The following ST3GAL2 variants were observed in gnomAD, a reference collection of about 807,000 sequenced individuals.
ST3GAL2 encodes the protein CMP-N-acetylneuraminate-beta-galactosamide-alpha-2,3-sialyltransferase 2.
Under a neutral mutation model 37.5 loss-of-function variants are expected in ST3GAL2, and 16 were observed. The ratio of observed to expected loss-of-function variants is 0.43; its 90% CI spans 0.29 to 0.65. ST3GAL2 has a LOEUF of 0.65. Among genes scored for constraint, ST3GAL2 ranks in the 30% least tolerant of loss-of-function variants. The pLI is 0.17. For missense variants in ST3GAL2, 383 were observed against 487.8 expected, an observed-to-expected ratio of 0.79 and a Z score of 2.02; for synonymous variants, 238 against 202.9, an observed-to-expected ratio of 1.17 and a Z score of -1.47.
In ST3GAL2 at chr16:70,381,536, C is replaced by G. The variant is rs2047404608; in HGVS notation, c.*153G>C. 2.2e-6 allele frequency: 2 copies of G among 901,530 alleles called. No homozygotes were observed. The highest frequency in any genetic ancestry group is 3.4e-5 in the African/African-American group (2 of 59,136). The allele number at this position is 901,530 out of a possible 1,614,324, so 55.8% of individuals were successfully genotyped here. A position where few individuals can be genotyped will look rare whatever the true frequency, so the allele number is the denominator to read the frequency against. On this transcript the variant is annotated 3_prime_UTR_variant, in exon 7 of 7. Coordinates refer to ENST00000342907, the MANE Select transcript of ST3GAL2 (RefSeq NM_006927.4). ...GCCCGACCGCAGCGCAGATTGGTGC[C>G]AGGCCCGGCCGGTCCCCCAGTCTCG...
chr16:70,429,097 C>G (rs1000105845), intron 1 of ST3GAL2, among the ~76,000 whole-genome samples: 5 of 152,192 alleles, frequency 3.3e-5, no homozygotes, highest in African/African-American at 1.2e-4. Context: ...GCACAGCCCC[C>G]TCAGCTGCAG....
intron 1 of ST3GAL2, among the ~76,000 whole-genome samples, chr16:70,401,853 G>A (rs1410606425): frequency 6.6e-6 from 1 of 151,542 alleles, no homozygotes; most frequent in Middle Eastern, 3.4e-3. Flanking sequence ...AATCAGCCAG[G>A]CGTTGTGGTG....
chr16:70,431,459 C>G (rs1476459341), intron 1 of ST3GAL2, among the ~76,000 whole-genome samples: 3 of 152,196 alleles, frequency 2.0e-5, no homozygotes, highest in Non-Finnish European at 4.4e-5. Context: ...GCAATGCCAC[C>G]TCCCAGGAGG....
chr16:70,413,748 T>TAATAAATAAATAAATAAATA (rs56300235), intron 1 of ST3GAL2, among the ~76,000 whole-genome samples: 1 of 145,386 alleles, frequency 6.9e-6, no homozygotes, highest in African/African-American at 2.6e-5. Flanking sequence ...AAAAAGAAAA[T>TAATAAATAAATAAATAAATA]AATAAATAAA....
intron 2 of ST3GAL2, 102 bp downstream of exon 2, chr16:70,398,090 C>G: frequency 1.6e-6 from 2 of 1,246,422 alleles, no homozygotes. Context: ...CTTGGTCAAA[C>G]AGGCATTTTG....
At chr16:70,393,695 G>A (rs1487577211) in intron 3 of ST3GAL2, 3 of 152,178 alleles carry the variant, frequency 2.0e-5, no homozygotes, top group Non-Finnish European at 4.4e-5. Flanking sequence ...GCAGTTGGAG[G>A]ATATGGATAC....
chr16:70,407,428 A>G (rs1161383732), intron 1 of ST3GAL2, among the ~76,000 whole-genome samples: 3 of 152,216 alleles, frequency 2.0e-5, no homozygotes, highest in African/African-American at 7.2e-5. Context: ...GGTGTGAGCC[A>G]CTGTGCCAAT....
chr16:70,431,950 C>A (rs4999488), intron 1 of ST3GAL2, among the ~76,000 whole-genome samples: 1 of 150,364 alleles, frequency 6.7e-6, no homozygotes. Context: ...GGCAACAGAG[C>A]GAGACTCCGT....
At chr16:70,404,816 C>T (rs2047578314) in intron 1 of ST3GAL2, among the ~76,000 whole-genome samples, 2 of 152,090 alleles carry the variant, frequency 1.3e-5, no homozygotes, top group Admixed American at 6.6e-5. Flanking sequence ...GGGCAGATCA[C>T]GAGGTCAAGA....
chr16:70,422,697 T>C (rs1307985861), intron 1 of ST3GAL2, among the ~76,000 whole-genome samples: 1 of 152,080 alleles, frequency 6.6e-6, no homozygotes, highest in Admixed American at 6.5e-5. Context: ...AAAGCCCTCA[T>C]AGGGGCAGCC....
chr16:70,383,105 A>T (rs1419385967), intron 5 of ST3GAL2, 85 bp downstream of exon 5: 1 of 1,590,808 alleles, frequency 6.3e-7, no homozygotes, highest in Non-Finnish European at 8.6e-7. Flanking sequence ...CTGCAGGGGA[A>T]ATGGAACACC....
At chr16:70,394,137 G>C (rs757296348) in intron 3 of ST3GAL2, among the ~76,000 whole-genome samples, 12 of 152,144 alleles carry the variant, frequency 7.9e-5, no homozygotes, top group Non-Finnish European at 1.3e-4. Context: ...GCAGAGTCTC[G>C]GTCAAGACTG....
chr16:70,387,882 A>C (rs1228436560), intron 4 of ST3GAL2, among the ~76,000 whole-genome samples: 1 of 152,100 alleles, frequency 6.6e-6, no homozygotes, highest in Non-Finnish European at 1.5e-5. Context: ...TGGGAGCCCG[A>C]GGTAGCTGGA....
chr16:70,438,317 G>C (rs1388467508), intron 1 of ST3GAL2, among the ~76,000 whole-genome samples: 3 of 152,184 alleles, frequency 2.0e-5, no homozygotes, highest in Non-Finnish European at 4.4e-5. Flanking sequence ...CCAAGGCAGA[G>C]AAGGAACAGG....
intron 1 of ST3GAL2, among the ~76,000 whole-genome samples, chr16:70,430,820 A>T (rs1227858481): frequency 1.3e-5 from 2 of 151,750 alleles, no homozygotes; most frequent in African/African-American, 4.8e-5. Flanking sequence ...CTCTCCCTTT[A>T]CTTTCCCACA....
chr16:70,426,146 T>C (rs1392790286), intron 1 of ST3GAL2, among the ~76,000 whole-genome samples: 1 of 151,886 alleles, frequency 6.6e-6, no homozygotes, highest in Admixed American at 6.6e-5. Context: ...CTACGTTCCA[T>C]TGCTCATCTT....
intron 3 of ST3GAL2, among the ~76,000 whole-genome samples, chr16:70,390,364 G>A (rs1338032161): frequency 6.6e-6 from 1 of 152,162 alleles, no homozygotes; most frequent in Non-Finnish European, 1.5e-5. Flanking sequence ...GATGACACCA[G>A]GCCTGGCCTT....
chr16:70,418,523 G>T (rs2047691147), intron 1 of ST3GAL2, among the ~76,000 whole-genome samples: 2 of 152,168 alleles, frequency 1.3e-5, no homozygotes, highest in Admixed American at 6.5e-5. Context: ...TACTGCTGAG[G>T]CCAGAGCTGG....
chr16:70,394,956 C>T, intron 3 of ST3GAL2, 26 bp downstream of exon 3: 1 of 1,604,074 alleles, frequency 6.2e-7, no homozygotes, highest in Non-Finnish European at 8.5e-7. Flanking sequence ...ATCCTGAGCC[C>T]ACCCTTGGGC....
Sources: allele counts gnomAD v4.1 joint callset (sites outside exome capture counted in the v4.1 genomes callset), GRCh38; gene constraint gnomAD v4.1.1; transcripts MANE v1.5; gene names NCBI Gene and HGNC (gene_info 2026-07-23, HGNC 2026-07-21).